The following METTL6 variants were observed in gnomAD, a reference collection of about 807,000 sequenced individuals.
METTL6 encodes the protein methyltransferase 6, tRNA N3-cytidine, also known as tRNA N(3)-cytidine methyltransferase METTL6.
In METTL6, 22 loss-of-function variants were observed where a neutral mutation model predicts 26.4. The observed-to-expected ratio is 0.83, with a 90% CI of 0.59 to 1.19. METTL6 has a LOEUF of 1.19. Among genes scored for constraint, METTL6 ranks in the 50% most tolerant of loss-of-function variants. The pLI is 0.00. For synonymous variants in METTL6, 109 were observed against 116.2 expected (o/e 0.94, Z 0.40); for missense variants, 304 against 324.8 (o/e 0.94, Z 0.49).
intron 6 of METTL6, among the ~76,000 whole-genome samples, chr3:15,390,352 T>C (rs1341603032): frequency 1.3e-5 from 2 of 151,960 alleles, no homozygotes; most frequent in Non-Finnish European, 2.9e-5. Context: ...CGCTTGAACC[T>C]GGGAAGCAGA....
exon 7 of METTL6, chr3:15,384,162 C>A: frequency 2.6e-6 from 1 of 384,782 alleles, no homozygotes; most frequent in Non-Finnish European, 5.0e-6. Context: ...ACAAAGAATC[C>A]CAGGTTCCAG....
At chr3:15,421,554 G>A (rs1377818869) in intron 3 of METTL6, among the ~76,000 whole-genome samples, 4 of 152,100 alleles carry the variant, frequency 2.6e-5, no homozygotes, top group African/African-American at 9.7e-5. Context: ...CTCAAACTCC[G>A]GGCTCAAGTG....
At chr3:15,419,319 G>C (rs964111919) in intron 3 of METTL6, among the ~76,000 whole-genome samples, 8 of 152,166 alleles carry the variant, frequency 5.3e-5, no homozygotes, top group Non-Finnish European at 4.4e-5. Flanking sequence ...ATGGGCAGAG[G>C]TTATGAATGG....
At chr3:15,404,925 A>C (rs1699745880), downstream of METTL6, among the ~76,000 whole-genome samples, 1 of 152,192 alleles carries the variant, frequency 6.6e-6, no homozygotes, top group South Asian at 2.1e-4. Context: ...CCCAATAGAG[A>C]ACATGGCCCT....
intron 6 of METTL6, among the ~76,000 whole-genome samples, chr3:15,394,332 T>C (rs1553625565): frequency 6.6e-6 from 1 of 152,232 alleles, no homozygotes; most frequent in Non-Finnish European, 1.5e-5. Flanking sequence ...TTCTGTGGGA[T>C]CAGTGGTGAT....
At chr3:15,416,871 G>T (rs1482668440) in intron 3 of METTL6, among the ~76,000 whole-genome samples, 1 of 152,128 alleles carries the variant, frequency 6.6e-6, no homozygotes, top group Non-Finnish European at 1.5e-5. Context: ...AAATTAAAAA[G>T]ATGTCAATTC....
chr3:15,411,131 A>G lies in METTL6; in HGVS notation c.*125T>C, dbSNP rs966644702. Reference sequence around the variant, plus strand: ...GCTGGTCTCAAACTCCTGACCTCAGATGATCCCCCAACCTCGGCCTCCCGA... The same window carrying G: ...GCTGGTCTCAAACTCCTGACCTCAGGTGATCCCCCAACCTCGGCCTCCCGA... On this transcript the variant is annotated 3_prime_UTR_variant, in exon 6 of 6. Transcript: ENST00000383790. 3 of 1,058,736 alleles carry G rather than the reference A, an allele frequency of 2.8e-6. No individual in the cohort carries two copies. Among genetic ancestry groups the G allele is most frequent in the Non-Finnish European group, 4.0e-6 (3 of 749,284 alleles). 65.6% of individuals were successfully genotyped at this position (1,058,736 alleles called of 1,614,324 possible).
Position 15,426,650 on chromosome 3 carries a change from G to C in METTL6, c.-124-15C>G, listed in dbSNP as rs554747328. 21 of 735,692 alleles carry C rather than the reference G, an allele frequency of 2.9e-5. No individual in the cohort carries two copies. Among genetic ancestry groups the C allele is most frequent in the Non-Finnish European group, 4.4e-5 (20 of 450,476 alleles). The allele number at this position is 735,692 out of a possible 1,614,324, so 45.6% of individuals were successfully genotyped here. ...AGCACAGGGGGCTTCGCAGAGAAAA[G>C]AATTAGATTCTGGTTAGTGGTTACA... On this transcript the variant is annotated splice_polypyrimidine_tract_variant and intron_variant, in intron 1 of 5. Transcript: ENST00000383790.
intron 4 of METTL6, chr3:15,414,648 C>T (rs781040416): frequency 1.0e-5 from 3 of 287,876 alleles, no homozygotes; most frequent in Non-Finnish European, 2.1e-5. Flanking sequence ...CCACCTCGCT[C>T]GTCCCTGAAG....
At chr3:15,427,085 G>A (rs1321788412) in intron 1 of METTL6, among the ~76,000 whole-genome samples, 3 of 152,312 alleles carry the variant, frequency 2.0e-5, no homozygotes, top group Non-Finnish European at 4.4e-5. Context: ...ATGAAGCTAA[G>A]CCTGGGTGGG....
chr3:15,409,476 C>T (rs1228917862), downstream of METTL6, among the ~76,000 whole-genome samples: 1 of 152,220 alleles, frequency 6.6e-6, no homozygotes, highest in Non-Finnish European at 1.5e-5. Context: ...TCCCCATATT[C>T]TGCAACACTA....
chr3:15,412,384 A>G (rs1700005888), intron 5 of METTL6, among the ~76,000 whole-genome samples: 1 of 152,268 alleles, frequency 6.6e-6, no homozygotes, highest in Admixed American at 6.5e-5. Flanking sequence ...CACTCTGCAG[A>G]TATCACTGAA....
chr3:15,427,619 G>A (rs992484576), upstream of METTL6: 2 of 675,138 alleles, frequency 3.0e-6, no homozygotes, highest in Non-Finnish European at 5.1e-6. Flanking sequence ...CCACGCAGAG[G>A]AGAGAACTTG....
chr3:15,415,442 A>C (rs1869851), intron 4 of METTL6: 110,699 of 1,507,310 alleles, frequency 0.073, 7,592 homozygotes, highest in African/African-American at 0.37. Flanking sequence ...CAGGCATGAA[A>C]CACCACACCT....
intron 4 of METTL6, chr3:15,414,738 T>C (rs1400059980): frequency 2.5e-6 from 1 of 406,594 alleles, no homozygotes; most frequent in Middle Eastern, 8.0e-4. Flanking sequence ...ACCTGGGCAA[T>C]ATAGTGAGAC....
downstream of METTL6, among the ~76,000 whole-genome samples, chr3:15,408,893 C>T (rs13075694): frequency 0.53 from 80,058 of 151,850 alleles, 21,774 homozygotes; most frequent in African/African-American, 0.66. Flanking sequence ...AGGACTTCTA[C>T]GGAGGGGGCA....
downstream of METTL6, among the ~76,000 whole-genome samples, chr3:15,408,273 G>T (rs1299827630): frequency 4.6e-5 from 7 of 152,090 alleles, no homozygotes; most frequent in African/African-American, 1.7e-4. Flanking sequence ...CGTCATACAG[G>T]TATGTTCACT....
chr3:15,418,672 C>T (rs1467600392), intron 3 of METTL6, among the ~76,000 whole-genome samples: 1 of 151,960 alleles, frequency 6.6e-6, no homozygotes, highest in Non-Finnish European at 1.5e-5. Context: ...AAAAACATAA[C>T]CAAAATTATA....
At chr3:15,383,992 A>G in exon 7 of METTL6, 1 of 305,912 alleles carries the variant, frequency 3.3e-6, no homozygotes, top group Admixed American at 5.1e-5. Context: ...CAGACTGTAC[A>G]TCCCCCACCC....
Sources: gnomAD v4.1 joint callset for allele counts (sites outside exome capture counted in the v4.1 genomes callset) on GRCh38, gnomAD v4.1.1 for gene constraint, MANE v1.5 for transcripts, NCBI Gene and HGNC (gene_info 2026-07-23, HGNC 2026-07-21) for gene names.